VPS41: variants seen among roughly 807,000 people sequenced by gnomAD.
VPS41 encodes the protein vacuolar protein sorting-associated protein 41 homolog.
A neutral mutation model predicts 130.9 loss-of-function variants in VPS41; 85 were observed. That is an observed-to-expected ratio of 0.65 (90% CI 0.55 to 0.78). The LOEUF (loss-of-function observed/expected upper bound fraction) is 0.78, where lower values mean the gene tolerates loss of function less well. Among genes scored for constraint, VPS41 ranks in the 30% least tolerant of loss-of-function variants. The pLI, the probability that VPS41 is intolerant of heterozygous loss-of-function variation, is 0.00. For synonymous variants in VPS41, 335 were observed against 332.9 expected, an observed-to-expected ratio of 1.01 and a Z score of -0.07; for missense variants, 874 against 1,018.7, an observed-to-expected ratio of 0.86 and a Z score of 1.93.
intron 4 of VPS41, among the ~76,000 whole-genome samples, chr7:38,859,143 G>A (rs1401571003): frequency 6.6e-6 from 1 of 151,932 alleles, no homozygotes; most frequent in Non-Finnish European, 1.5e-5. Context: ...ACAGAAAAGA[G>A]CTTATAGAAT....
intron 7 of VPS41, among the ~76,000 whole-genome samples, chr7:38,812,278 G>T (rs1784959754): frequency 6.6e-6 from 1 of 151,972 alleles, no homozygotes; most frequent in Non-Finnish European, 1.5e-5. Context: ...TTCCACAAAG[G>T]GCCCACACAA....
intron 4 of VPS41, among the ~76,000 whole-genome samples, chr7:38,847,795 C>T (rs1785760188): frequency 6.6e-6 from 1 of 152,114 alleles, no homozygotes; most frequent in Admixed American, 6.5e-5. Context: ...TTATTTTTCT[C>T]ACTTTTATTT....
intron 7 of VPS41, among the ~76,000 whole-genome samples, chr7:38,813,913 G>A (rs1584408511): frequency 1.3e-5 from 2 of 152,268 alleles, no homozygotes; most frequent in East Asian, 3.9e-4. Context: ...ATAGAAAACT[G>A]AACATAGAAC....
chr7:38,791,848 G>T (rs1037605818), intron 9 of VPS41, among the ~76,000 whole-genome samples: 22 of 152,058 alleles, frequency 1.4e-4, no homozygotes, highest in African/African-American at 5.3e-4. Flanking sequence ...GATAGGTTTA[G>T]GGGGGGTAAA....
At chr7:38,904,394 T>C (rs746575609) in intron 1 of VPS41, among the ~76,000 whole-genome samples, 10 of 152,184 alleles carry the variant, frequency 6.6e-5, no homozygotes, top group Admixed American at 1.3e-4. Context: ...TGGGAAAGAG[T>C]GCACCCTCTA....
rs1024149071 is a variant in VPS41, at chr7:38,725,633, A to G, written c.*613T>C. On this transcript the variant is annotated 3_prime_UTR_variant, in exon 29 of 29. Transcript: ENST00000310301. ...CCAGATACTCTTTGACAGTCGTCAC[A>G]GCACACAGAACATGTGATTAGTAAA... 2.6e-5 allele frequency: 4 copies of G among 152,370 alleles called. No individual in the cohort carries two copies. Among genetic ancestry groups the G allele is most frequent in the African/African-American group, 7.2e-5 (3 of 41,476 alleles). 9.4% of individuals were successfully genotyped at this position (152,370 alleles called of 1,614,324 possible). A position where few individuals can be genotyped will look rare whatever the true frequency, so the allele number is the denominator to read the frequency against.
At chr7:38,853,945 AGCCACTTTGGT>A (rs1269003904) in intron 4 of VPS41, among the ~76,000 whole-genome samples, 2 of 152,346 alleles carry the variant, frequency 1.3e-5, no homozygotes, top group Non-Finnish European at 2.9e-5. Context: ...ATGTTTTCTT[AGCCACTTTGGT>A]GCGTAGAAGC....
chr7:38,760,018 C>A lies in VPS41; in HGVS notation c.1423-1537G>T, dbSNP rs11983291. Among the ~76,000 whole-genome samples the A allele has an allele frequency of 6.9e-3, 1,058 of 152,266 alleles. 10 individuals carry two copies. Among genetic ancestry groups the A allele is most frequent in the African/African-American group, 0.023 (971 of 41,542 alleles). ...TGGAATTTGAGACTTTGGCTCAAGT[C>A]TTATCCCCTGGCTCTTATCCTGGCT... On this transcript the variant is annotated intron_variant, in intron 17 of 28. Transcript: ENST00000310301.
At chr7:38,897,941 C>G (rs1387892608) in intron 2 of VPS41, 150 bp downstream of exon 2, 8 of 512,398 alleles carry the variant, frequency 1.6e-5, no homozygotes, top group Non-Finnish European at 2.4e-5. Flanking sequence ...AGATAGCTGG[C>G]ATATTAAAAG....
rs564326899 is a variant in VPS41 at position 38,868,140 on chromosome 7, T to G, written c.168+1006A>C. Among the ~76,000 whole-genome samples, 8 of 151,222 alleles carry G rather than the reference T, an allele frequency of 5.3e-5. No homozygotes were observed. The South Asian group carries it at 1.7e-3, about 32-fold the overall frequency. On this transcript the variant is annotated intron_variant, in intron 3 of 28. Transcript: ENST00000310301. ...ATGGGGAGATGAAACAGAGAAGAGG[T>G]AAGGGTCACTGGAATGAAATTTGGT... is the stretch of plus-strand genomic sequence containing the variant.
intron 24 of VPS41, among the ~76,000 whole-genome samples, chr7:38,742,429 T>C (rs1038970330): frequency 3.3e-5 from 5 of 152,172 alleles, no homozygotes; most frequent in African/African-American, 1.2e-4. Context: ...TAAATAATAT[T>C]TATTGACAAC....
chr7:38,870,738 TCAAAAA>T (rs1786334864), intron 2 of VPS41, among the ~76,000 whole-genome samples: 1 of 68,488 alleles, frequency 1.5e-5, no homozygotes, highest in Non-Finnish European at 2.3e-5. Context: ...GACTATATGT[TCAAAAA>T]AAAAAAAAAA....
At chr7:38,761,664 T>G (rs969810233) in intron 17 of VPS41, among the ~76,000 whole-genome samples, 2 of 151,940 alleles carry the variant, frequency 1.3e-5, no homozygotes, top group African/African-American at 2.4e-5. Context: ...TGATCACAGC[T>G]CACTGCAGCC....
chr7:38,806,777 C>A (rs1408901194), intron 7 of VPS41, among the ~76,000 whole-genome samples: 5 of 152,166 alleles, frequency 3.3e-5, no homozygotes, highest in Middle Eastern at 3.2e-3. Flanking sequence ...AGCAATCTAA[C>A]AAATGTTGAG....
At chr7:38,782,306 G>A (rs1784367226) in intron 10 of VPS41, among the ~76,000 whole-genome samples, 1 of 152,160 alleles carries the variant, frequency 6.6e-6, no homozygotes, top group East Asian at 1.9e-4. Context: ...AATGCCAACT[G>A]GCTATCTTGG....
At chr7:38,736,771 G>T (rs1369877037) in intron 25 of VPS41, among the ~76,000 whole-genome samples, 1 of 152,224 alleles carries the variant, frequency 6.6e-6, no homozygotes, top group African/African-American at 2.4e-5. Context: ...AATCATAATT[G>T]TAAAACTGAA....
intron 7 of VPS41, among the ~76,000 whole-genome samples, chr7:38,808,176 G>A (rs538480639): frequency 6.6e-6 from 1 of 152,084 alleles, no homozygotes; most frequent in South Asian, 2.1e-4. Context: ...AAATACTCTG[G>A]GAGTCCTACA....
Position 38,789,759 on chromosome 7 carries a change from A to G in VPS41, c.784+42T>C, listed in dbSNP as rs1784503220. On this transcript the variant is annotated intron_variant, in intron 10 of 28. Coordinates refer to ENST00000310301, the MANE Select transcript of VPS41 (RefSeq NM_014396.4). ...AGATTAATGAAGACGAAAATTTTGAATGAAGTTTTACATCCACAGAAGGCA... is the reference window on the plus strand; with the variant it reads ...AGATTAATGAAGACGAAAATTTTGAGTGAAGTTTTACATCCACAGAAGGCA... 2.5e-6 allele frequency: 4 copies of G among 1,607,010 alleles called. No homozygotes were observed. The African/African-American group carries it at 4.0e-5, about 16-fold the overall frequency.
chr7:38,746,478 CA>C (rs1489454044), intron 22 of VPS41, among the ~76,000 whole-genome samples: 3 of 152,034 alleles, frequency 2.0e-5, no homozygotes, highest in East Asian at 3.9e-4. Context: ...AGCATGAGTC[CA>C]CCCCCGGGAG....
Sources: allele counts gnomAD v4.1 joint callset (sites outside exome capture counted in the v4.1 genomes callset), GRCh38; gene constraint gnomAD v4.1.1; transcripts MANE v1.5; gene names NCBI Gene and HGNC (gene_info 2026-07-23, HGNC 2026-07-21).